MED13: variants seen among roughly 807,000 people sequenced by gnomAD.
The protein encoded by MED13 is mediator of RNA polymerase II transcription subunit 13.
In MED13, 23 loss-of-function variants were observed where a neutral mutation model predicts 225.2. The observed-to-expected ratio is 0.10, with a 90% CI of 0.07 to 0.14. The LOEUF is 0.14. Among genes scored for constraint, MED13 ranks in the 10% least tolerant of loss-of-function variants. MED13 has a pLI of 1.00. For synonymous variants in MED13, 942 were observed against 889.2 expected (o/e 1.06, Z -1.06); for missense variants, 2,197 against 2,594.5 (o/e 0.85, Z 3.33).
intron 3 of MED13, among the ~76,000 whole-genome samples, chr17:62,037,728 G>T (rs1201890881): frequency 6.6e-6 from 1 of 151,480 alleles, no homozygotes; most frequent in Non-Finnish European, 1.5e-5. Flanking sequence ...GGCAAGGCAG[G>T]TGGATCGTTT....
At chr17:61,953,992 G>A (rs1236573599) in intron 26 of MED13, among the ~76,000 whole-genome samples, 2 of 152,212 alleles carry the variant, frequency 1.3e-5, no homozygotes, top group African/African-American at 4.8e-5. Context: ...GATTAACAAC[G>A]AGAATATTAG....
intron 24 of MED13, 21 bp downstream of exon 24, chr17:61,956,318 C>T (rs1458836820): frequency 1.9e-6 from 3 of 1,599,704 alleles, no homozygotes; most frequent in South Asian, 2.3e-5. Flanking sequence ...AATATAAATA[C>T]TAATAAAAGC....
chr17:62,018,343 A>C (rs2080603050), intron 8 of MED13, among the ~76,000 whole-genome samples: 1 of 152,200 alleles, frequency 6.6e-6, no homozygotes, highest in Non-Finnish European at 1.5e-5. Context: ...TAAATTGTAA[A>C]AACAATACGG....
At chr17:61,966,040 C>T (rs547497205) in intron 19 of MED13, among the ~76,000 whole-genome samples, 75 of 152,172 alleles carry the variant, frequency 4.9e-4, no homozygotes, top group Non-Finnish European at 9.6e-4. Context: ...AAGTCTTAAA[C>T]AGCTGTCGTT....
In MED13 at chr17:61,943,068, A is replaced by G. The variant is rs1448144049; in HGVS notation, c.*3400T>C. The G allele has an allele frequency of 6.6e-6, 1 of 152,574 alleles. No homozygotes were observed. Among genetic ancestry groups the G allele is most frequent in the Non-Finnish European group, 1.5e-5 (1 of 68,006 alleles). The allele number at this position is 152,574 out of a possible 1,614,324, so 9.5% of individuals were successfully genotyped here. A position where few individuals can be genotyped will look rare whatever the true frequency, so the allele number is the denominator to read the frequency against. ...AAGAAAATACATACATAAAAATTTAAACCACAGTTCTGGGCCCATTAAAAC... is the reference window on the plus strand; with the variant it reads ...AAGAAAATACATACATAAAAATTTAGACCACAGTTCTGGGCCCATTAAAAC... On this transcript the variant is annotated 3_prime_UTR_variant, in exon 30 of 30. Coordinates refer to ENST00000397786, the MANE Select transcript of MED13 (RefSeq NM_005121.3).
intron 8 of MED13, among the ~76,000 whole-genome samples, chr17:62,014,310 T>TTATATATATATATATATATA (rs79817498): frequency 2.9e-4 from 41 of 143,106 alleles, no homozygotes; most frequent in African/African-American, 1.0e-3. Context: ...GTATATGTTT[T>TTATATATATATATATATATA]TATATATATA....
intron 20 of MED13, among the ~76,000 whole-genome samples, chr17:61,963,799 A>G (rs2080028998): frequency 6.6e-6 from 1 of 152,198 alleles, no homozygotes. Context: ...CATCCTGGGT[A>G]GCTGACAGAT....
At chr17:61,981,843 A>G (rs1208642933) in intron 16 of MED13, among the ~76,000 whole-genome samples, 3 of 152,252 alleles carry the variant, frequency 2.0e-5, no homozygotes, top group African/African-American at 7.2e-5. Context: ...GCTTTGTTCA[A>G]CAGTGAATCT....
intron 2 of MED13, among the ~76,000 whole-genome samples, chr17:62,053,467 C>CA (rs1295969283): frequency 6.6e-6 from 1 of 152,156 alleles, no homozygotes; most frequent in Non-Finnish European, 1.5e-5. Flanking sequence ...AACATTAACA[C>CA]AGTCATTTTG....
At chr17:62,034,641 T>C (rs986344086) in intron 4 of MED13, among the ~76,000 whole-genome samples, 7 of 152,084 alleles carry the variant, frequency 4.6e-5, no homozygotes, top group African/African-American at 1.4e-4. Flanking sequence ...GATATATAAA[T>C]CTAAATATTT....
intron 2 of MED13, among the ~76,000 whole-genome samples, chr17:62,054,089 C>A (rs375824960): frequency 6.6e-6 from 1 of 152,000 alleles, no homozygotes; most frequent in Non-Finnish European, 1.5e-5. Flanking sequence ...GGCGGATCAC[C>A]TGAGGTCAGG....
intron 27 of MED13, among the ~76,000 whole-genome samples, chr17:61,951,350 A>G (rs983440173): frequency 5.9e-5 from 9 of 152,192 alleles, no homozygotes; most frequent in African/African-American, 2.2e-4. Flanking sequence ...CCTGAAAACC[A>G]CACCCCAATC....
At position 61,966,642 on chromosome 17, in the gene MED13, A is replaced by G; in HGVS notation, c.4201T>C (p.Leu1401=). 1 of 1,597,100 alleles carries G rather than the reference A, an allele frequency of 6.3e-7. No individual in the cohort carries two copies. Among genetic ancestry groups the G allele is most frequent in the Non-Finnish European group, 8.5e-7 (1 of 1,173,926 alleles). Residue 1401 remains leucine (L), a synonymous_variant, in exon 19 of 30, where the codon TTA becomes CTA. Coordinates refer to ENST00000397786, the MANE Select transcript of MED13 (RefSeq NM_005121.3). ...CGAGAAACAGGTCTATGTTGACCTA[A>G]TCGACAGGACTACAAATATACATAC... is the stretch of plus-strand genomic sequence containing the variant. ...DLTAIYESCR[L]GQHRPVSRLL...
intron 17 of MED13, among the ~76,000 whole-genome samples, chr17:61,969,283 T>C (rs1396726244): frequency 6.6e-6 from 1 of 151,568 alleles, no homozygotes; most frequent in African/African-American, 2.4e-5. Flanking sequence ...ACCCAGGGGG[T>C]GGAGGTTGCG....
chr17:61,946,911 T>C lies in MED13; in HGVS notation c.6392+6A>G, dbSNP rs1162467740. ...TGACAAACTGTTAATGGTAAAAGAG[T>C]TGTACCTGAGGACATCTGAAGTCTG... On this transcript the variant is annotated splice_donor_region_variant and intron_variant, in intron 29 of 29. Transcript: ENST00000397786. The C allele has an allele frequency of 8.8e-6, 14 of 1,595,996 alleles. No individual in the cohort carries two copies. Among genetic ancestry groups the C allele is most frequent in the Middle Eastern group, 1.6e-4 (1 of 6,064 alleles).
At chr17:61,993,690 G>T (rs1422151346) in intron 10 of MED13, among the ~76,000 whole-genome samples, 2 of 151,894 alleles carry the variant, frequency 1.3e-5, no homozygotes, top group Non-Finnish European at 2.9e-5. Flanking sequence ...AGCACTTTGG[G>T]AGGCCGAGGC....
chr17:61,984,560 C>G (rs1294234099), intron 14 of MED13, 91 bp downstream of exon 14: 2 of 1,188,164 alleles, frequency 1.7e-6, no homozygotes, highest in Non-Finnish European at 2.3e-6. Context: ...AAAACCGCAA[C>G]CACTATAAAA....
At chr17:61,974,884 C>G (rs2080140426) in intron 16 of MED13, among the ~76,000 whole-genome samples, 1 of 151,960 alleles carries the variant, frequency 6.6e-6, no homozygotes, top group Non-Finnish European at 1.5e-5. Flanking sequence ...ACCTAGACAT[C>G]AAAAGCACAA....
rs147528396 is a variant in MED13 at position 61,957,951 on chromosome 17, G to A, written c.5481-1470C>T. Among the ~76,000 whole-genome samples, 24 of 151,934 alleles carry A rather than the reference G, an allele frequency of 1.6e-4. No homozygotes were observed. In the East Asian group the frequency reaches 2.7e-3, roughly 17 times the overall value. On this transcript the variant is annotated intron_variant, in intron 23 of 29. Coordinates refer to ENST00000397786, the MANE Select transcript of MED13 (RefSeq NM_005121.3). ...GCGATCTCAGCTCACTGCAAGTTCC[G>A]CCTCCTGATTTCACGCCATTCTCCT...
Sources: gnomAD v4.1 joint callset for allele counts (sites outside exome capture counted in the v4.1 genomes callset) on GRCh38, gnomAD v4.1.1 for gene constraint, MANE v1.5 for transcripts, NCBI Gene and HGNC (gene_info 2026-07-23, HGNC 2026-07-21) for gene names.